CDC42SE2: variants seen among roughly 807,000 people sequenced by gnomAD.
The protein encoded by CDC42SE2 is CDC42 small effector protein 2.
Under a neutral mutation model 11.5 loss-of-function variants are expected in CDC42SE2, and 3 were observed. The ratio of observed to expected loss-of-function variants is 0.26; its 90% CI spans 0.12 to 0.67. CDC42SE2 has a LOEUF of 0.67. Among genes scored for constraint, CDC42SE2 ranks in the 30% least tolerant of loss-of-function variants. The pLI is 0.80. For missense variants in CDC42SE2, 82 were observed against 106.8 expected, an observed-to-expected ratio of 0.77 and a Z score of 1.02; for synonymous variants, 33 against 34.8, an observed-to-expected ratio of 0.95 and a Z score of 0.18.
chr5:131,210,894 A>G, the CDC42SE2 span, among the ~76,000 whole-genome samples: 913 of 152,308 alleles, frequency 6.0e-3, 4 homozygotes, highest in Non-Finnish European at 8.9e-3. Flanking sequence ...GCTGGAGTGC[A>G]GAGGCGGGAT....
chr5:131,214,181 A>G, the CDC42SE2 span, among the ~76,000 whole-genome samples: 1 of 152,252 alleles, frequency 6.6e-6, no homozygotes, highest in Non-Finnish European at 1.5e-5. Context: ...ATAACCAGGT[A>G]TGAAATAAAT....
the CDC42SE2 span, among the ~76,000 whole-genome samples, chr5:131,224,443 C>A: frequency 6.6e-6 from 1 of 152,094 alleles, no homozygotes; most frequent in Non-Finnish European, 1.5e-5. Flanking sequence ...TCTTCTCTCT[C>A]TGCCACATCT....
chr5:131,351,587 A>G (rs753950581), intron 2 of CDC42SE2, among the ~76,000 whole-genome samples: 2 of 152,194 alleles, frequency 1.3e-5, no homozygotes, highest in Non-Finnish European at 2.9e-5. Flanking sequence ...TGCTAAATTA[A>G]TCTGATAAGA....
At chr5:131,348,820 C>T (rs1433694633) in intron 2 of CDC42SE2, among the ~76,000 whole-genome samples, 4 of 149,322 alleles carry the variant, frequency 2.7e-5, no homozygotes, top group Non-Finnish European at 6.0e-5. Context: ...TAGAAGAGCC[C>T]CCGGAAATAA....
intron 2 of CDC42SE2, among the ~76,000 whole-genome samples, chr5:131,349,741 T>C (rs1031968537): frequency 8.6e-5 from 13 of 151,820 alleles, no homozygotes; most frequent in South Asian, 6.2e-4. Flanking sequence ...ATATGAAGAC[T>C]AAGGGAAAAA....
At chr5:131,357,620 T>G (rs1230620526) in intron 2 of CDC42SE2, among the ~76,000 whole-genome samples, 2 of 152,246 alleles carry the variant, frequency 1.3e-5, no homozygotes, top group Non-Finnish European at 2.9e-5. Flanking sequence ...GTGATTTATA[T>G]TTCGCCATTT....
chr5:131,277,593 G>A (rs998388596), intron 1 of CDC42SE2, among the ~76,000 whole-genome samples: 1 of 152,126 alleles, frequency 6.6e-6, no homozygotes, highest in Non-Finnish European at 1.5e-5. Flanking sequence ...TCTCACCTTT[G>A]CTCACTACAC....
At chr5:131,250,109 A>T (rs1026104172) in intron 1 of CDC42SE2, among the ~76,000 whole-genome samples, 1 of 152,222 alleles carries the variant, frequency 6.6e-6, no homozygotes, top group African/African-American at 2.4e-5. Flanking sequence ...ATGAGTCAAC[A>T]ATTCTACTGT....
chr5:131,343,328 A>G (rs1214354331), intron 2 of CDC42SE2, among the ~76,000 whole-genome samples: 1 of 152,202 alleles, frequency 6.6e-6, no homozygotes, highest in Non-Finnish European at 1.5e-5. Context: ...TCCATCATCT[A>G]TAATACACTG....
chr5:131,327,921 G>A (rs1205861716), intron 2 of CDC42SE2, among the ~76,000 whole-genome samples: 1 of 152,106 alleles, frequency 6.6e-6, no homozygotes, highest in Non-Finnish European at 1.5e-5. Context: ...CCACAGACTG[G>A]GTAATTTATA....
chr5:131,211,181 T>C, the CDC42SE2 span, among the ~76,000 whole-genome samples: 1 of 152,336 alleles, frequency 6.6e-6, no homozygotes, highest in East Asian at 1.9e-4. Context: ...CACCTCTCAT[T>C]GTGCTTCATT....
chr5:131,294,491 A>G (rs184764721), intron 1 of CDC42SE2, among the ~76,000 whole-genome samples: 33 of 152,312 alleles, frequency 2.2e-4, no homozygotes, highest in African/African-American at 3.1e-4. Flanking sequence ...GAAAGAGACA[A>G]AAGTTCTTGT....
Position 131,365,141 on chromosome 5 carries a change from A to T in CDC42SE2, c.54+5594A>T, listed in dbSNP as rs1470814344. On this transcript the variant is annotated intron_variant, in intron 3 of 4. Transcript: ENST00000505065. ...CCTGTCTCTACTAAAAATACAAAAAATAGCTGGGCGTGGTGTCGCATGCCT... is the reference window on the plus strand; with the variant it reads ...CCTGTCTCTACTAAAAATACAAAAATTAGCTGGGCGTGGTGTCGCATGCCT... Among the ~76,000 whole-genome samples the T allele has an allele frequency of 3.3e-5, 5 of 152,052 alleles. No homozygotes were observed. The South Asian group carries it at 1.0e-3, about 32-fold the overall frequency.
chr5:131,221,959 A>G, the CDC42SE2 span, among the ~76,000 whole-genome samples: 2 of 152,244 alleles, frequency 1.3e-5, no homozygotes, highest in Non-Finnish European at 2.9e-5. Flanking sequence ...GTATACCTGA[A>G]GTCAGAAATC....
chr5:131,215,442 T>A, the CDC42SE2 span, among the ~76,000 whole-genome samples: 1 of 152,214 alleles, frequency 6.6e-6, no homozygotes, highest in East Asian at 1.9e-4. Flanking sequence ...GACAGAACCA[T>A]CTGGAATGCT....
intron 1 of CDC42SE2, among the ~76,000 whole-genome samples, chr5:131,312,791 A>G (rs6421901): frequency 0.77 from 116,783 of 151,938 alleles, 45,255 homozygotes; most frequent in African/African-American, 0.82. Context: ...GCCTCGCCCT[A>G]CTTTGGCTTG....
the CDC42SE2 span, among the ~76,000 whole-genome samples, chr5:131,234,813 T>C: frequency 6.6e-6 from 1 of 151,834 alleles, no homozygotes; most frequent in South Asian, 2.1e-4. Context: ...TATTCTAGTT[T>C]AGAAGAAATA....
intron 1 of CDC42SE2, among the ~76,000 whole-genome samples, chr5:131,249,524 G>A (rs7718891): frequency 0.013 from 2,026 of 152,192 alleles, 34 homozygotes; most frequent in African/African-American, 0.043. Context: ...AATGAGGAAA[G>A]GAGGATCTGT....
At chr5:131,318,743 T>C (rs1357945306) in intron 2 of CDC42SE2, among the ~76,000 whole-genome samples, 1 of 152,224 alleles carries the variant, frequency 6.6e-6, no homozygotes, top group East Asian at 1.9e-4. Context: ...GGATTTTGTC[T>C]TACATTTTTG....
Sources: allele counts gnomAD v4.1 joint callset (sites outside exome capture counted in the v4.1 genomes callset), GRCh38; gene constraint gnomAD v4.1.1; transcripts MANE v1.5; gene names NCBI Gene and HGNC (gene_info 2026-07-23, HGNC 2026-07-21).